TTLL8: variants seen among roughly 807,000 people sequenced by gnomAD.
TTLL8 encodes the protein tubulin tyrosine ligase like 8, also known as protein monoglycylase TTLL8.
A neutral mutation model predicts 77.8 loss-of-function variants in TTLL8; 65 were observed. The observed-to-expected ratio is 0.84, with a 90% CI of 0.68 to 1.03. The LOEUF (loss-of-function observed/expected upper bound fraction) is 1.03. Among genes scored for constraint, TTLL8 ranks in the 50% least tolerant of loss-of-function variants. The pLI is 0.00. For missense variants in TTLL8, 910 were observed against 1,004.5 expected, an observed-to-expected ratio of 0.91 and a Z score of 1.27; for synonymous variants, 402 against 422.8, an observed-to-expected ratio of 0.95 and a Z score of 0.60.
chr22:50,035,118 G>C (rs1343868685), intron 8 of TTLL8, among the ~76,000 whole-genome samples: 1 of 152,180 alleles, frequency 6.6e-6, no homozygotes, highest in Admixed American at 6.5e-5. Context: ...CGGATGGATT[G>C]GGGGGAAGCC....
chr22:50,047,360 G>T (rs1601935237), intron 3 of TTLL8, 64 bp from the exon 6 acceptor site: 5 of 1,319,538 alleles, frequency 3.8e-6, no homozygotes. Context: ...AGGATGGGAT[G>T]GAGTGAGGCA....
rs1162802139 is a variant in TTLL8 at position 50,041,781 on chromosome 22, T to C, written c.670A>G (p.Arg224Gly). 7.3e-7 allele frequency: 1 copy of C among 1,363,442 alleles called. No homozygotes were observed. Among genetic ancestry groups the C allele is most frequent in the Non-Finnish European group, 9.8e-7 (1 of 1,020,394 alleles). The allele number at this position is 1,363,442 out of a possible 1,614,324, so 84.5% of individuals were successfully genotyped here. Residue 224 changes from arginine to glycine, a missense_variant, in exon 7 of 14, where the codon AGG becomes GGG. Transcript: ENST00000266182. The surrounding 1 kb of genome is among the most constrained non-coding windows in gnomAD (Gnocchi z 4.3). ...TCCACAAGCTGCCCCGGGAGGCCCCTGAGCTTTGCCTCAGCATTTTCAGCA... is the reference window on the plus strand; with the variant it reads ...TCCACAAGCTGCCCCGGGAGGCCCCCGAGCTTTGCCTCAGCATTTTCAGCA...
intron 6 of TTLL8, among the ~76,000 whole-genome samples, chr22:50,043,086 G>A (rs1232031840): frequency 1.3e-5 from 2 of 152,242 alleles, no homozygotes; most frequent in African/African-American, 2.4e-5. Flanking sequence ...GGAAGTGACC[G>A]AGACGTCCTT....
intron 6 of TTLL8, among the ~76,000 whole-genome samples, chr22:50,042,241 C>T (rs142023168): frequency 0.011 from 1,630 of 152,352 alleles, 14 homozygotes; most frequent in Admixed American, 0.022. Flanking sequence ...TATTTGCACA[C>T]ACTTAATAAA....
chr22:50,057,354 T>G (rs1000275981), upstream of TTLL8, among the ~76,000 whole-genome samples: 487 of 36,688 alleles, frequency 0.013, 1 homozygote, highest in East Asian at 0.029. Context: ...GTCTGGGTTG[T>G]GAGTCAGGTC....
intron 3 of TTLL8, among the ~76,000 whole-genome samples, chr22:50,048,375 C>G (rs950921883): frequency 6.6e-6 from 1 of 152,076 alleles, no homozygotes; most frequent in Non-Finnish European, 1.5e-5. Flanking sequence ...AGCCTGAGCC[C>G]CTTATGATGG....
intron 1 of TTLL8, among the ~76,000 whole-genome samples, chr22:50,050,450 GC>G (rs1411952537): frequency 2.1e-4 from 31 of 150,058 alleles, no homozygotes; most frequent in African/African-American, 7.6e-4. Context: ...TCAGCTCACT[GC>G]AACCTGTCTT....
intron 8 of TTLL8, among the ~76,000 whole-genome samples, chr22:50,040,854 C>T (rs1471310893): frequency 6.6e-6 from 1 of 152,206 alleles, no homozygotes; most frequent in East Asian, 1.9e-4. Context: ...CCCACCTCTG[C>T]CCAGCTCCTC....
intron 3 of TTLL8, 192 bp downstream of exon 5, chr22:50,049,057 C>T (rs1382518881): frequency 2.7e-6 from 2 of 751,102 alleles, no homozygotes; most frequent in Non-Finnish European, 3.2e-6. Context: ...TCATCCAGCA[C>T]CGAAGGGCTC....
chr22:50,031,747 G>A (rs192975363), exon 11 of TTLL8: 1 of 1,356,846 alleles, frequency 7.4e-7, no homozygotes, highest in Non-Finnish European at 9.9e-7. Context: ...CACCTTGATG[G>A]TGTCCTCCTG....
chr22:50,027,100 G>A (rs540716705), intron 12 of TTLL8, among the ~76,000 whole-genome samples: 3 of 152,282 alleles, frequency 2.0e-5, no homozygotes, highest in African/African-American at 7.2e-5. Flanking sequence ...GCTGGGCGTG[G>A]TGGTGCGCGC....
Position 50,032,112 on chromosome 22 carries a change from G to A in TTLL8, c.1284-3C>T, listed in dbSNP as rs1451928936. 7.4e-7 allele frequency: 1 copy of A among 1,353,166 alleles called. No homozygotes were observed. The highest frequency in any genetic ancestry group is 1.1e-5 in the South Asian group (1 of 87,506). 83.8% of individuals were successfully genotyped at this position (1,353,166 alleles called of 1,614,324 possible). A position where few individuals can be genotyped will look rare whatever the true frequency, so the allele number is the denominator to read the frequency against. The stretch of plus-strand genomic sequence containing the variant: ...CGTTGTTGCACAGGTGGATGGCGCT[G>A]CAGGGGGGACGAGGGGCAGGTGCTC... On this transcript the variant is annotated splice_region_variant and splice_polypyrimidine_tract_variant and intron_variant, in intron 10 of 13. Transcript: ENST00000266182.
Position 50,045,404 on chromosome 22 carries a change from C to T in TTLL8, c.509-15G>A, listed in dbSNP as rs1230254964. On this transcript the variant is annotated splice_polypyrimidine_tract_variant and intron_variant, in intron 5 of 13. Transcript: ENST00000266182. ...CCGGAAGTCTTCTGAAAGGACAGCA[C>T]AGCCTCGCCCTATCTGTCCGAGCCA... The T allele has an allele frequency of 2.9e-6, 4 of 1,364,066 alleles. No homozygotes were observed. In the Admixed American group the frequency reaches 5.7e-5, roughly 19 times the overall value. 84.5% of individuals were successfully genotyped at this position (1,364,066 alleles called of 1,614,324 possible).
At chr22:50,056,458 T>C (rs2061471329), upstream of TTLL8, among the ~76,000 whole-genome samples, 3 of 152,142 alleles carry the variant, frequency 2.0e-5, no homozygotes, top group South Asian at 6.2e-4. The surrounding 1 kb of genome is among the most constrained non-coding windows in gnomAD (Gnocchi z 4.1). Flanking sequence ...GGGGACCTTC[T>C]AAAGCTAAGT....
chr22:50,050,209 C>T (rs1601938250), exon 2 of TTLL8: 1 of 1,357,118 alleles, frequency 7.4e-7, no homozygotes, highest in East Asian at 4.6e-5. Flanking sequence ...CGGCCCGGAC[C>T]ACCGGGTAGT....
At chr22:50,024,903 G>A (rs1448123077) in intron 12 of TTLL8, among the ~76,000 whole-genome samples, 1 of 152,218 alleles carries the variant, frequency 6.6e-6, no homozygotes, top group African/African-American at 2.4e-5. Flanking sequence ...GCTGCTTTAG[G>A]TGCTGGGCTC....
upstream of TTLL8, among the ~76,000 whole-genome samples, chr22:50,058,277 G>C (rs937994131): frequency 6.7e-6 from 1 of 149,016 alleles, no homozygotes; most frequent in Non-Finnish European, 1.5e-5. The surrounding 1 kb of genome is among the most constrained non-coding windows in gnomAD (Gnocchi z 4.2). Context: ...CCGTGGCCTC[G>C]GGCTGTGCAG....
intron 8 of TTLL8, among the ~76,000 whole-genome samples, chr22:50,038,443 G>C (rs1313157989): frequency 6.6e-6 from 1 of 151,968 alleles, no homozygotes; most frequent in Non-Finnish European, 1.5e-5. Flanking sequence ...GTCTCATTCT[G>C]ATTTCAAGGA....
Position 50,034,380 on chromosome 22 carries a change from G to A in TTLL8, c.1004C>T (p.Pro335Leu). The A allele has an allele frequency of 7.3e-7, 1 of 1,366,992 alleles. No homozygotes were observed. Among genetic ancestry groups the A allele is most frequent in the Non-Finnish European group, 9.8e-7 (1 of 1,021,818 alleles). The allele number at this position is 1,366,992 out of a possible 1,614,324, so 84.7% of individuals were successfully genotyped here. ...ACCTCGGCCCCGGGACTTGGCCGCG[G>A]GCTTTATAATCCAGATGTTCCGGAG... is the stretch of plus-strand genomic sequence containing the variant. Residue 335 changes from proline (P) to leucine (L), a missense_variant, in exon 9 of 14, where the codon CCC becomes CTC. By Grantham distance (98) the Pro-to-Leu change is moderately conservative. Coordinates refer to ENST00000266182, the Ensembl canonical transcript of TTLL8. This position sits in a 1 kb window ranked among gnomAD's most constrained non-coding sequence, Gnocchi z 4.1.
Sources: allele counts gnomAD v4.1 joint callset (sites outside exome capture counted in the v4.1 genomes callset), GRCh38; gene constraint gnomAD v4.1.1; non-coding constraint Gnocchi (gnomAD v3.1); transcripts MANE v1.5; gene names NCBI Gene and HGNC (gene_info 2026-07-23, HGNC 2026-07-21).